FAAH2: variants seen among roughly 807,000 people sequenced by gnomAD.
The protein encoded by FAAH2 is fatty acid amide hydrolase 2, also known as fatty-acid amide hydrolase 2.
In FAAH2, 60 loss-of-function variants were observed where a neutral mutation model predicts 36.9. The observed-to-expected ratio is 1.63, with a 90% CI of 1.32 to 2.02. FAAH2 has a LOEUF of 2.02. Among genes scored for constraint, FAAH2 ranks in the 30% most tolerant of loss-of-function variants. The pLI is 0.00. For missense variants in FAAH2, 689 were observed against 397.5 expected, an observed-to-expected ratio of 1.73 and a Z score of -6.23; for synonymous variants, 214 against 143.8, an observed-to-expected ratio of 1.49 and a Z score of -3.49.
At chrX:57,283,133 C>T (rs1034612574), upstream of FAAH2, among the ~76,000 whole-genome samples, 2 of 112,304 alleles carry the variant, frequency 1.8e-5, no homozygotes, top group Non-Finnish European at 3.8e-5. Context: ...AGGGAACAGA[C>T]CAGCCTCTTC....
chrX:57,339,925 A>G (rs2053645365), intron 4 of FAAH2, among the ~76,000 whole-genome samples: 1 of 111,561 alleles, frequency 9.0e-6, no homozygotes, highest in African/African-American at 3.3e-5. Flanking sequence ...CTCTAGAGGG[A>G]CAGAACTAAT....
At chrX:57,353,294 A>G (rs912514472) in intron 5 of FAAH2, among the ~76,000 whole-genome samples, 1 of 109,780 alleles carries the variant, frequency 9.1e-6, no homozygotes, top group South Asian at 3.9e-4. Context: ...ATAAAGCCAC[A>G]TAAATACAGC....
At chrX:57,220,704 A>T in the FAAH2 span, among the ~76,000 whole-genome samples, 1 of 111,653 alleles carries the variant, frequency 9.0e-6, no homozygotes, top group Admixed American at 9.4e-5. Context: ...ATCCACCTCC[A>T]CCTGGCGCCT....
At chrX:57,146,051 C>A in the FAAH2 span, among the ~76,000 whole-genome samples, 1 of 108,100 alleles carries the variant, frequency 9.3e-6, no homozygotes, top group South Asian at 4.0e-4. Context: ...TATGCAGGCT[C>A]TTTTTTTGGT....
chrX:57,241,762 T>C, the FAAH2 span, among the ~76,000 whole-genome samples: 3 of 111,515 alleles, frequency 2.7e-5, no homozygotes, highest in Non-Finnish European at 5.6e-5. Context: ...CCTCATAGCT[T>C]AGCTCCCACT....
chrX:57,183,018 A>G, the FAAH2 span, among the ~76,000 whole-genome samples: 6 of 110,833 alleles, frequency 5.4e-5, no homozygotes, highest in African/African-American at 2.0e-4. Flanking sequence ...ACACAAACAC[A>G]TATACACACA....
intron 3 of FAAH2, among the ~76,000 whole-genome samples, chrX:57,319,201 T>A (rs1042093224): frequency 9.0e-6 from 1 of 111,609 alleles, no homozygotes; most frequent in Non-Finnish European, 1.9e-5. Flanking sequence ...AAATAAAGCA[T>A]ATTCAAATAG....
At chrX:57,160,502 T>C in the FAAH2 span, among the ~76,000 whole-genome samples, 2 of 111,928 alleles carry the variant, frequency 1.8e-5, no homozygotes, top group Non-Finnish European at 3.8e-5. Flanking sequence ...CTATTAATTA[T>C]TGCCTCAATT....
At chrX:57,242,860 G>A in the FAAH2 span, among the ~76,000 whole-genome samples, 8 of 112,167 alleles carry the variant, frequency 7.1e-5, no homozygotes, top group Non-Finnish European at 1.9e-5. Context: ...TCTAGCAGCA[G>A]GAGTTTCTTT....
chrX:57,441,859 G>A (rs1001132414), intron 8 of FAAH2, among the ~76,000 whole-genome samples: 1 of 111,143 alleles, frequency 9.0e-6, no homozygotes, highest in Non-Finnish European at 1.9e-5. Context: ...CCTTCATTTC[G>A]TTATGTACCC....
chrX:57,467,570 C>T (rs1198446913), intron 10 of FAAH2, among the ~76,000 whole-genome samples: 2 of 111,734 alleles, frequency 1.8e-5, no homozygotes, highest in Non-Finnish European at 3.8e-5. Flanking sequence ...CACAACATTG[C>T]TGAGGCTTGA....
chrX:57,376,843 C>G (rs766745911), intron 5 of FAAH2, among the ~76,000 whole-genome samples: 83 of 112,197 alleles, frequency 7.4e-4, no homozygotes, highest in African/African-American at 2.3e-3. Context: ...TTAATGATCG[C>G]CATTCTAACT....
intron 10 of FAAH2, among the ~76,000 whole-genome samples, chrX:57,451,948 T>C (rs1260714862): frequency 8.9e-6 from 1 of 112,741 alleles, no homozygotes; most frequent in Non-Finnish European, 1.9e-5. Context: ...CAATCAACAA[T>C]GTTTCATATC....
chrX:57,148,764 C>T, the FAAH2 span, among the ~76,000 whole-genome samples: 1 of 111,454 alleles, frequency 9.0e-6, no homozygotes, highest in African/African-American at 3.3e-5. Context: ...CCTTCTCCTG[C>T]CTCATTGTTC....
At chrX:57,197,473 T>A in the FAAH2 span, among the ~76,000 whole-genome samples, 1 of 111,488 alleles carries the variant, frequency 9.0e-6, no homozygotes, top group Non-Finnish European at 1.9e-5. Context: ...GAACTGTTGT[T>A]CTGGTTTCTT....
the FAAH2 span, among the ~76,000 whole-genome samples, chrX:57,250,506 A>C: frequency 1.8e-5 from 2 of 111,295 alleles, no homozygotes; most frequent in African/African-American, 6.5e-5. Context: ...AGTAGATTGA[A>C]AGTGTTCTCA....
chrX:57,152,447 A>T, the FAAH2 span, among the ~76,000 whole-genome samples: 1 of 112,108 alleles, frequency 8.9e-6, no homozygotes, highest in Non-Finnish European at 1.9e-5. Flanking sequence ...TGCTTTGTTT[A>T]CCTAATCAAG....
chrX:57,284,507 G>A (rs771165294), upstream of FAAH2, among the ~76,000 whole-genome samples: 1 of 112,314 alleles, frequency 8.9e-6, no homozygotes, highest in South Asian at 3.7e-4. Flanking sequence ...CTTATGATAA[G>A]TGTAATAAGT....
At chrX:57,427,872 C>T (rs2056200689) in intron 7 of FAAH2, among the ~76,000 whole-genome samples, 1 of 111,496 alleles carries the variant, frequency 9.0e-6, no homozygotes, top group South Asian at 3.8e-4. Context: ...TTCACTGCTC[C>T]TTTTCAACGT....
Sources: gnomAD v4.1 joint callset for allele counts (sites outside exome capture counted in the v4.1 genomes callset) on GRCh38, gnomAD v4.1.1 for gene constraint, MANE v1.5 for transcripts, NCBI Gene and HGNC (gene_info 2026-07-23, HGNC 2026-07-21) for gene names.